The following PACRG variants were observed in gnomAD, a reference collection of about 807,000 sequenced individuals.
PACRG encodes the protein parkin coregulated gene protein.
In PACRG, 29 loss-of-function variants were observed where a neutral mutation model predicts 29.7. That is an observed-to-expected ratio of 0.98 (90% confidence interval 0.73 to 1.33). PACRG has a LOEUF of 1.33. Ranked by LOEUF, PACRG falls within the 40% of genes most tolerant of loss-of-function variation. PACRG has a pLI of 0.00. For synonymous variants in PACRG, 116 were observed against 118.7 expected, an observed-to-expected ratio of 0.98 and a Z score of 0.15; for missense variants, 279 against 316.2, an observed-to-expected ratio of 0.88 and a Z score of 0.89.
chr6:162,890,270 C>A (rs1385186218), intron 2 of PACRG, among the ~76,000 whole-genome samples: 1 of 152,066 alleles, frequency 6.6e-6, no homozygotes, highest in African/African-American at 2.4e-5. Context: ...TGTGTTTATG[C>A]CTCTTGGATG....
intron 2 of PACRG, among the ~76,000 whole-genome samples, chr6:162,870,796 T>C (rs545009709): frequency 1.5e-4 from 23 of 152,358 alleles, no homozygotes; most frequent in South Asian, 1.4e-3. Context: ...AAGGCCAAAG[T>C]TGTAACATAT....
At chr6:163,303,711 G>A (rs1420235480) in intron 4 of PACRG, among the ~76,000 whole-genome samples, 1 of 151,980 alleles carries the variant, frequency 6.6e-6, no homozygotes, top group African/African-American at 2.4e-5. Context: ...AGCAAAAGCT[G>A]CTAAAAAGTA....
intron 2 of PACRG, among the ~76,000 whole-genome samples, chr6:162,983,438 G>A (rs138939452): frequency 1.4e-3 from 205 of 151,778 alleles, no homozygotes; most frequent in African/African-American, 4.5e-3. Flanking sequence ...GTTCTATTTT[G>A]GGGTATTTCA....
rs117812607 is a variant in PACRG at position 162,750,302 on chromosome 6, G to A, written c.156+21911G>A. ...GTCTGTGAGTTTTGAAAATTTGAAT[G>A]ATAGCACATTAAACTGGAATAATGA... On this transcript the variant is annotated intron_variant, in intron 1 of 4. Coordinates refer to ENST00000366888, the MANE Select transcript of PACRG (RefSeq NM_001080379.2). Among the ~76,000 whole-genome samples the A allele has an allele frequency of 3.3e-3, 504 of 152,250 alleles. 32 individuals are homozygous for A. In the East Asian group the frequency reaches 0.083, roughly 25 times the overall value.
intron 2 of PACRG, among the ~76,000 whole-genome samples, chr6:162,869,908 G>A (rs1792655659): frequency 6.6e-6 from 1 of 152,170 alleles, no homozygotes; most frequent in Admixed American, 6.5e-5. Context: ...CATTTTGTGC[G>A]ATTATTTAAT....
intron 4 of PACRG, among the ~76,000 whole-genome samples, chr6:163,220,470 G>A (rs1451849258): frequency 6.6e-6 from 1 of 152,152 alleles, no homozygotes; most frequent in Non-Finnish European, 1.5e-5. Context: ...ACAAGGGTAC[G>A]AGGCAGGAGT....
At chr6:163,177,627 G>A (rs892058564) in intron 4 of PACRG, among the ~76,000 whole-genome samples, 14 of 149,372 alleles carry the variant, frequency 9.4e-5, no homozygotes, top group East Asian at 8.0e-4. Context: ...GGGGAGTGAC[G>A]GATCATAAAG....
chr6:162,833,607 A>G (rs1788964468), intron 2 of PACRG, among the ~76,000 whole-genome samples: 1 of 152,124 alleles, frequency 6.6e-6, no homozygotes, highest in Non-Finnish European at 1.5e-5. Context: ...TTCTGTAATC[A>G]TCAGTGATGT....
rs1389491349 is a variant in PACRG, at chr6:163,191,935, C to A, written c.613+102527C>A. On this transcript the variant is annotated intron_variant, in intron 4 of 4. Transcript: ENST00000366888. Reference sequence around the variant, plus strand: ...CTGTCCTGCTCCTCAATGTCCCATCCCCTCCCGAACTGACCAGCGGTGCTA... The same window carrying A: ...CTGTCCTGCTCCTCAATGTCCCATCACCTCCCGAACTGACCAGCGGTGCTA... The A allele has an allele frequency of 1.4e-5, 5 of 357,742 alleles. No individual in the cohort carries two copies. The East Asian group carries it at 3.7e-4, about 27-fold the overall frequency. 22.2% of individuals were successfully genotyped at this position (357,742 alleles called of 1,614,324 possible). A position where few individuals can be genotyped will look rare whatever the true frequency, so the allele number is the denominator to read the frequency against.
intron 2 of PACRG, among the ~76,000 whole-genome samples, chr6:163,007,833 T>G (rs1805258682): frequency 6.6e-6 from 1 of 152,118 alleles, no homozygotes; most frequent in South Asian, 2.1e-4. Context: ...TTCTTCCCAG[T>G]CCACCCAGCT....
At chr6:163,216,634 C>G (rs1210879863) in intron 4 of PACRG, among the ~76,000 whole-genome samples, 2 of 152,148 alleles carry the variant, frequency 1.3e-5, no homozygotes, top group Non-Finnish European at 1.5e-5. Flanking sequence ...CACCATCCAT[C>G]TACCCTTCAG....
At chr6:162,875,311 G>C (rs1228418374) in intron 2 of PACRG, among the ~76,000 whole-genome samples, 2 of 129,830 alleles carry the variant, frequency 1.5e-5, no homozygotes, top group African/African-American at 5.8e-5. Flanking sequence ...ACACAGACAT[G>C]CACAGACATT....
chr6:163,302,061 C>T (rs1785025259), intron 4 of PACRG, among the ~76,000 whole-genome samples: 1 of 152,140 alleles, frequency 6.6e-6, no homozygotes, highest in African/African-American at 2.4e-5. Flanking sequence ...AAATGTAACT[C>T]GGACAAATAA....
At chr6:162,807,951 T>C (rs1193573955) in intron 1 of PACRG, among the ~76,000 whole-genome samples, 3 of 152,250 alleles carry the variant, frequency 2.0e-5, no homozygotes, top group East Asian at 3.8e-4. Context: ...AATTCTTAAA[T>C]TGTTATATTG....
At chr6:162,955,833 C>T (rs78644787) in intron 2 of PACRG, among the ~76,000 whole-genome samples, 1,603 of 152,218 alleles carry the variant, frequency 0.011, 15 homozygotes, top group Middle Eastern at 0.037. Flanking sequence ...TGAATCACAC[C>T]CCAGGTCCTT....
chr6:162,985,381 G>A (rs1247582435), intron 2 of PACRG, among the ~76,000 whole-genome samples: 1 of 152,032 alleles, frequency 6.6e-6, no homozygotes, highest in Non-Finnish European at 1.5e-5. Context: ...TCCATATGAG[G>A]GATGCAGGGA....
chr6:163,192,603 A>G (rs1780263589), intron 4 of PACRG, among the ~76,000 whole-genome samples: 1 of 152,200 alleles, frequency 6.6e-6, no homozygotes. Flanking sequence ...AACTTTGGTA[A>G]GTGTGTCTCA....
chr6:163,124,872 A>G (rs1171429118), intron 4 of PACRG, among the ~76,000 whole-genome samples: 2 of 152,232 alleles, frequency 1.3e-5, no homozygotes, highest in African/African-American at 2.4e-5. Flanking sequence ...TCCCCTATAT[A>G]TAGGCATCAT....
chr6:162,804,207 G>A (rs1407421311), intron 1 of PACRG, among the ~76,000 whole-genome samples: 2 of 152,134 alleles, frequency 1.3e-5, no homozygotes, highest in East Asian at 1.9e-4. Context: ...TTTCTTGCAA[G>A]CTTTCTACAG....
Sources: gnomAD v4.1 joint callset for allele counts (sites outside exome capture counted in the v4.1 genomes callset) on GRCh38, gnomAD v4.1.1 for gene constraint, MANE v1.5 for transcripts, NCBI Gene and HGNC (gene_info 2026-07-23, HGNC 2026-07-21) for gene names.